Variants in DZIP3 observed in about 807,000 individuals in gnomAD.
DZIP3 encodes the protein E3 ubiquitin-protein ligase DZIP3.
DZIP3 carries 118 observed loss-of-function variants against 162.0 expected under a neutral mutation model. The ratio of observed to expected loss-of-function variants is 0.73; its 90% CI spans 0.63 to 0.85. The LOEUF (loss-of-function observed/expected upper bound fraction) is 0.85, where lower values mean the gene tolerates loss of function less well. Ranked by LOEUF, DZIP3 falls within the 40% of genes least tolerant of loss-of-function variation. The pLI is 0.00. For missense variants in DZIP3, 1,331 were observed against 1,407.0 expected (o/e 0.95, Z 0.86); for synonymous variants, 438 against 458.6 (o/e 0.96, Z 0.57).
At chr3:108,635,662 ATAT>A (rs988320111) in intron 10 of DZIP3, among the ~76,000 whole-genome samples, 14 of 147,398 alleles carry the variant, frequency 9.5e-5, no homozygotes, top group Admixed American at 7.5e-4. Flanking sequence ...AATATTATAA[ATAT>A]TATATAATAT....
intron 4 of DZIP3, 101 bp downstream of exon 4, chr3:108,611,430 G>A: frequency 7.2e-7 from 1 of 1,395,432 alleles, no homozygotes; most frequent in South Asian, 1.4e-5. Context: ...CCAAGGTCTT[G>A]AAAAAAATCT....
At chr3:108,620,023 C>T (rs1941242887) in intron 5 of DZIP3, among the ~76,000 whole-genome samples, 1 of 152,076 alleles carries the variant, frequency 6.6e-6, no homozygotes, top group African/African-American at 2.4e-5. Context: ...GTTATACTAA[C>T]ATCTAAGATT....
chr3:108,684,980 G>A (rs913838732), intron 27 of DZIP3, among the ~76,000 whole-genome samples: 2 of 152,256 alleles, frequency 1.3e-5, no homozygotes, highest in South Asian at 4.1e-4. Context: ...GATGTTAGAT[G>A]TAATTAATGA....
chr3:108,678,834 A>C (rs184759538), intron 26 of DZIP3, among the ~76,000 whole-genome samples: 3 of 152,182 alleles, frequency 2.0e-5, no homozygotes, highest in East Asian at 3.9e-4. Flanking sequence ...ATTTCTCCTC[A>C]TGGTTGAGTA....
chr3:108,678,721 C>T lies in DZIP3; in HGVS notation c.2883+1123C>T, dbSNP rs974332817. ...GTCATTGGATGACAATTTTTATTATCTTAAGAGATCTGGCAGTAGGAAGAG... is the reference window on the plus strand; with the variant it reads ...GTCATTGGATGACAATTTTTATTATTTTAAGAGATCTGGCAGTAGGAAGAG... On this transcript the variant is annotated intron_variant, in intron 26 of 32. Transcript: ENST00000361582. Among the ~76,000 whole-genome samples, 13 of 151,968 alleles carry T rather than the reference C, an allele frequency of 8.6e-5. 1 individual carries two copies.
Position 108,619,060 on chromosome 3 carries a change from CAAAAAAAAAAAA to C in DZIP3, c.375+2418_375+2429del, listed in dbSNP as rs57700432. 3.0e-4 allele frequency among the ~76,000 whole-genome samples: 21 copies of C among 70,112 alleles called. No homozygotes were observed. The East Asian group carries it at 6.1e-3, about 20-fold the overall frequency. The allele number at this position is 70,112 out of a possible 152,430, so 46.0% of individuals were successfully genotyped here. A position where few individuals can be genotyped will look rare whatever the true frequency, so the allele number is the denominator to read the frequency against. ...TAGGTGACAGATTGAGACTCCATCT[CAAAAAAAAAAAA>C]AAAAAAAAAAAAAAGAAAGCTTATA... On this transcript the variant is annotated intron_variant, in intron 5 of 32. Coordinates refer to ENST00000361582, the MANE Select transcript of DZIP3 (RefSeq NM_014648.4).
chr3:108,627,910 C>T (rs1168878564), intron 7 of DZIP3, among the ~76,000 whole-genome samples: 2 of 151,942 alleles, frequency 1.3e-5, no homozygotes, highest in South Asian at 2.1e-4. Context: ...GACGGAGTCT[C>T]GCTCTGTCGC....
In DZIP3 at chr3:108,658,081, T is replaced by C. The variant is rs959859482; in HGVS notation, c.2199+3771T>C. 9.2e-5 allele frequency among the ~76,000 whole-genome samples: 14 copies of C among 152,058 alleles called. No individual in the cohort carries two copies. The South Asian group carries it at 2.9e-3, about 32-fold the overall frequency. On this transcript the variant is annotated intron_variant, in intron 19 of 32. Coordinates refer to ENST00000361582, the MANE Select transcript of DZIP3 (RefSeq NM_014648.4). ...CCACTGTCAACATTAGACAGATCAA[T>C]GAGACAGAAAGTTAACAAGGATATC...
intron 1 of DZIP3, among the ~76,000 whole-genome samples, chr3:108,597,473 A>C (rs1368454639): frequency 6.6e-6 from 1 of 152,100 alleles, no homozygotes; most frequent in South Asian, 2.1e-4. Flanking sequence ...GTAAGTAAAG[A>C]TGAAAATGAT....
intron 27 of DZIP3, among the ~76,000 whole-genome samples, 195 bp downstream of exon 27, chr3:108,684,536 G>A (rs545995682): frequency 2.6e-5 from 4 of 152,148 alleles, no homozygotes; most frequent in Admixed American, 1.3e-4. Flanking sequence ...TACTAGCTTC[G>A]TTTTGGGATA....
chr3:108,657,933 G>C (rs1188989865), intron 19 of DZIP3, among the ~76,000 whole-genome samples: 1 of 152,152 alleles, frequency 6.6e-6, no homozygotes, highest in Non-Finnish European at 1.5e-5. Flanking sequence ...TAAACAAGAA[G>C]AGCTAACTAT....
chr3:108,595,361 G>C (rs1032125608), intron 1 of DZIP3, among the ~76,000 whole-genome samples: 13 of 152,184 alleles, frequency 8.5e-5, no homozygotes, highest in African/African-American at 3.1e-4. Flanking sequence ...GGGACTACAG[G>C]CATGCACCAC....
chr3:108,629,889 T>A (rs1434181661), intron 8 of DZIP3, among the ~76,000 whole-genome samples: 1 of 151,904 alleles, frequency 6.6e-6, no homozygotes, highest in South Asian at 2.1e-4. Flanking sequence ...AATAATGTAT[T>A]ATATAGCTTT....
At chr3:108,679,841 T>C (rs1944240898) in intron 26 of DZIP3, among the ~76,000 whole-genome samples, 1 of 152,114 alleles carries the variant, frequency 6.6e-6, no homozygotes, top group Non-Finnish European at 1.5e-5. Context: ...CAGACTTCCA[T>C]AGTAGAGACT....
rs762408224 is a variant in DZIP3, at chr3:108,654,305, G to A, written c.2194G>A (p.Glu732Lys). ...TGAATTGCATATTCTGGACATGATA[G>A]AGCAGGTAAGCATGATTAGAGAGGG... ...LDELHILDMI[E>K]QGSAGKVTTD... The change falls in exon 19 of 33, where the codon GAG (glutamate) becomes AAG (lysine). Residue 732 changes from glutamate to lysine, a missense_variant. By Grantham distance (56) the Glu-to-Lys change is moderately conservative (BLOSUM62 1). This residue lies in a region of DZIP3 where 1,278 missense variants were observed against 1,317.1 expected (regional missense o/e 0.97). Transcript: ENST00000361582. 21 of 1,613,408 alleles carry A rather than the reference G, an allele frequency of 1.3e-5. No homozygotes were observed. Among genetic ancestry groups the A allele is most frequent in the Non-Finnish European group, 1.8e-5 (21 of 1,179,598 alleles).
chr3:108,634,265 GA>G (rs1198261158), intron 9 of DZIP3, among the ~76,000 whole-genome samples: 4 of 152,128 alleles, frequency 2.6e-5, no homozygotes, highest in South Asian at 2.1e-4. Flanking sequence ...GGTTTCTCAA[GA>G]ATGCTTTAGG....
intron 5 of DZIP3, among the ~76,000 whole-genome samples, chr3:108,622,581 T>C (rs901514739): frequency 4.6e-5 from 7 of 152,186 alleles, no homozygotes; most frequent in Admixed American, 4.6e-4. Context: ...TAGGCTTCAC[T>C]GTATGGCCTT....
At chr3:108,655,279 A>G (rs1045081643) in intron 19 of DZIP3, among the ~76,000 whole-genome samples, 7 of 152,200 alleles carry the variant, frequency 4.6e-5, no homozygotes, top group Non-Finnish European at 7.3e-5. Flanking sequence ...AATGTTTACA[A>G]TCTAGTGGAT....
intron 17 of DZIP3, among the ~76,000 whole-genome samples, chr3:108,649,310 A>G (rs1942764991): frequency 6.6e-6 from 1 of 151,858 alleles, no homozygotes; most frequent in African/African-American, 2.4e-5. Context: ...CTTTATTGAT[A>G]TGTTTAGAAG....
Sources: gnomAD v4.1 joint callset for allele counts (sites outside exome capture counted in the v4.1 genomes callset) on GRCh38, gnomAD v4.1.1 for gene constraint, gnomAD v4.1.1 regional missense constraint, MANE v1.5 for transcripts, NCBI Gene and HGNC (gene_info 2026-07-23, HGNC 2026-07-21) for gene names.